Variants in RCVRN observed in about 807,000 individuals in gnomAD.
RCVRN encodes the protein recoverin.
Under a neutral mutation model 20.4 loss-of-function variants are expected in RCVRN, and 23 were observed. The observed-to-expected ratio is 1.13, with a 90% CI of 0.81 to 1.60. The LOEUF (loss-of-function observed/expected upper bound fraction) is 1.60, where lower values mean the gene tolerates loss of function less well. RCVRN is among the 40% of genes most tolerant of loss of function. The pLI is 0.00. For missense variants in RCVRN, 254 were observed against 254.2 expected, an observed-to-expected ratio of 1.00 and a Z score of 0.00; for synonymous variants, 105 against 105.9, an observed-to-expected ratio of 0.99 and a Z score of 0.05.
In RCVRN at chr17:9,897,999, T is replaced by TGTGTGTGTGCGC. The variant is rs376748693; in HGVS notation, c.*95_*96insGCGCACACACAC. On this transcript the variant is annotated 3_prime_UTR_variant, in exon 3 of 3. Coordinates refer to ENST00000226193, the MANE Select transcript of RCVRN (RefSeq NM_002903.3). ...TGGGGTGGATGTGTGTGTGTGTGTG[T>TGTGTGTGTGCGC]GCGCGCGCGTGTGTGTGCATGTGTG... is the stretch of plus-strand genomic sequence containing the variant. 6.8e-6 allele frequency: 5 copies of TGTGTGTGTGCGC among 731,252 alleles called. No homozygotes were observed. Among genetic ancestry groups the TGTGTGTGTGCGC allele is most frequent in the Non-Finnish European group, 1.3e-5 (5 of 399,862 alleles). 45.3% of individuals were successfully genotyped at this position (731,252 alleles called of 1,614,324 possible).
chr17:9,904,797 G>C lies in RCVRN; in HGVS notation c.381+3C>G, dbSNP rs770402153. 1 of 1,612,542 alleles carries C rather than the reference G, an allele frequency of 6.2e-7. No individual in the cohort carries two copies. The highest frequency in any genetic ancestry group is 1.7e-5 in the Admixed American group (1 of 59,978). ...CAGCCAGAAGGGGAGAGGGGAGACT[G>C]ACCATGACGATCTCCAGCACTTCAT... On this transcript the variant is annotated splice_donor_region_variant and intron_variant, in intron 1 of 2. Transcript: ENST00000226193. This position sits in a 1 kb window ranked among gnomAD's most constrained non-coding sequence, Gnocchi z 5.8.
chr17:9,903,680 T>G (rs934001887), intron 1 of RCVRN, among the ~76,000 whole-genome samples: 1 of 152,230 alleles, frequency 6.6e-6, no homozygotes, highest in Non-Finnish European at 1.5e-5. Context: ...TATAGTCACG[T>G]GTCGCTCAGA....
chr17:9,899,467 G>A lies in RCVRN; in HGVS notation c.494-1263C>T, dbSNP rs751720995. Among the ~76,000 whole-genome samples the A allele has an allele frequency of 1.3e-5, 2 of 152,224 alleles. No individual in the cohort carries two copies. The highest frequency in any genetic ancestry group is 2.9e-5 in the Non-Finnish European group (2 of 68,040). On this transcript the variant is annotated intron_variant, in intron 2 of 2. Transcript: ENST00000226193. This position sits in a 1 kb window ranked among gnomAD's most constrained non-coding sequence, Gnocchi z 4.6. ...ACACGTCGACCTCGGGGCTTCTGAC[G>A]TCATCCCCTCCCGGGATGTTCACCA...
chr17:9,905,085 G>A lies in RCVRN; in HGVS notation c.96C>T (p.Tyr32=), dbSNP rs1472878034. 6.2e-7 allele frequency: 1 copy of A among 1,610,842 alleles called. No individual in the cohort carries two copies. Among genetic ancestry groups the A allele is most frequent in the Non-Finnish European group, 8.5e-7 (1 of 1,178,476 alleles). The change falls in exon 1 of 3, where the codon TAC becomes TAT. Residue 32 remains tyrosine, a synonymous_variant. Transcript: ENST00000226193. ...KFSEEELCSW[Y]QSFLKDCPTG... is the part of the protein sequence containing the mutation. ...TGGGACAGTCCTTCAGGAAGGACTG[G>A]TACCAGGAGCACAGCTCCTCCTCCG... is the stretch of plus-strand genomic sequence containing the variant.
At chr17:9,901,554 C>T (rs1004908482) in intron 1 of RCVRN, among the ~76,000 whole-genome samples, 28 of 152,180 alleles carry the variant, frequency 1.8e-4, no homozygotes, top group African/African-American at 6.8e-4. Context: ...TTCCCTTCAG[C>T]CCCCTGGTGC....
At chr17:9,898,399 C>T (rs919909563) in intron 2 of RCVRN, among the ~76,000 whole-genome samples, 195 bp from the exon 3 acceptor site, 2 of 152,164 alleles carry the variant, frequency 1.3e-5, no homozygotes, top group Non-Finnish European at 2.9e-5. Flanking sequence ...TCCCATGACC[C>T]TTGGAGCTCC....
In RCVRN at chr17:9,899,539, T is replaced by A. The variant is rs939285831; in HGVS notation, c.494-1335A>T. ...AAAGCAGAACACAGGGCTCGACACA[T>A]GAACGGACCCAGAGGGAGGTCGCGA... On this transcript the variant is annotated intron_variant, in intron 2 of 2. Coordinates refer to ENST00000226193, the MANE Select transcript of RCVRN (RefSeq NM_002903.3). The surrounding 1 kb of genome is among the most constrained non-coding windows in gnomAD (Gnocchi z 4.6). 1.3e-5 allele frequency among the ~76,000 whole-genome samples: 2 copies of A among 152,170 alleles called. No homozygotes were observed. The highest frequency in any genetic ancestry group is 4.8e-5 in the African/African-American group (2 of 41,440).
intron 2 of RCVRN, 49 bp from the exon 3 acceptor site, chr17:9,898,253 T>G (rs372334401): frequency 8.5e-7 from 1 of 1,170,180 alleles, no homozygotes; most frequent in Admixed American, 1.7e-5. Context: ...TCAGGATTGA[T>G]AGCCAAGTGA....
intron 1 of RCVRN, among the ~76,000 whole-genome samples, chr17:9,902,469 A>G (rs2067345627): frequency 6.6e-6 from 1 of 152,212 alleles, no homozygotes; most frequent in African/African-American, 2.4e-5. Flanking sequence ...GCCAATGCAC[A>G]CAAAGTTATT....
intron 2 of RCVRN, among the ~76,000 whole-genome samples, chr17:9,900,784 T>C (rs1040375385): frequency 6.6e-6 from 1 of 152,166 alleles, no homozygotes; most frequent in Non-Finnish European, 1.5e-5. Context: ...CTTGTTCTAA[T>C]TGCACAGAAA....
intron 2 of RCVRN, 65 bp from the exon 3 acceptor site, chr17:9,898,269 G>A (rs1434934005): frequency 2.5e-5 from 24 of 958,152 alleles, no homozygotes; most frequent in Middle Eastern, 2.1e-4. Context: ...AGTGAGCTGC[G>A]ATGAGGCTGA....
rs758869516 is a variant in RCVRN at position 9,905,181 on chromosome 17, G to A, written c.-1C>T. 8 of 1,602,180 alleles carry A rather than the reference G, an allele frequency of 5.0e-6. No homozygotes were observed. Among genetic ancestry groups the A allele is most frequent in the Middle Eastern group, 1.7e-4 (1 of 6,016 alleles). On this transcript the variant is annotated 5_prime_UTR_variant, in exon 1 of 3. Coordinates refer to ENST00000226193, the MANE Select transcript of RCVRN (RefSeq NM_002903.3). ...GGGCCCCACTTTTGCTGTTCCCCAT[G>A]AGTGAGGAAGAGTGGGCAGCGGCTG...
rs143779720 is a variant in RCVRN, at chr17:9,897,798, C to A, written c.*297G>T. 1.8e-5 allele frequency: 6 copies of A among 334,732 alleles called. No homozygotes were observed. The highest frequency in any genetic ancestry group is 3.3e-5 in the Non-Finnish European group (6 of 181,530). The allele number at this position is 334,732 out of a possible 1,614,324, so 20.7% of individuals were successfully genotyped here. A position where few individuals can be genotyped will look rare whatever the true frequency, so the allele number is the denominator to read the frequency against. On this transcript the variant is annotated 3_prime_UTR_variant, in exon 3 of 3. Transcript: ENST00000226193. ...GGGTGACACTTAGGACTCCTATGGC[C>A]TAATCCTGGGATTAGCACAGGGCCA...
chr17:9,899,218 A>G lies in RCVRN; in HGVS notation c.494-1014T>C, dbSNP rs943166769. Among the ~76,000 whole-genome samples, 3 of 152,164 alleles carry G rather than the reference A, an allele frequency of 2.0e-5. No homozygotes were observed. The highest frequency in any genetic ancestry group is 7.2e-5 in the African/African-American group (3 of 41,442). ...CTGAACTGAATGTGATTTCTGACTT[A>G]TGCTCTGGGCCTTTTGGATACCTTT... On this transcript the variant is annotated intron_variant, in intron 2 of 2. Coordinates refer to ENST00000226193, the MANE Select transcript of RCVRN (RefSeq NM_002903.3). The surrounding 1 kb of genome is among the most constrained non-coding windows in gnomAD (Gnocchi z 4.6).
chr17:9,901,503 G>A (rs1451554029), intron 1 of RCVRN, among the ~76,000 whole-genome samples: 1 of 130,736 alleles, frequency 7.6e-6, no homozygotes, highest in Non-Finnish European at 1.9e-5. Context: ...AATAATGGCT[G>A]TGAAATTATC....
chr17:9,897,911 C>T lies in RCVRN; in HGVS notation c.*184G>A, dbSNP rs1442470781. The T allele has an allele frequency of 1.5e-5, 9 of 594,190 alleles. No homozygotes were observed. The highest frequency in any genetic ancestry group is 1.8e-5 in the Non-Finnish European group (6 of 331,498). The allele number at this position is 594,190 out of a possible 1,614,324, so 36.8% of individuals were successfully genotyped here. On this transcript the variant is annotated 3_prime_UTR_variant, in exon 3 of 3. Transcript: ENST00000226193. Reference sequence around the variant, plus strand: ...GGAAGAAGGAACCAGTGGGTCACTACAGATGCTTCAGTTTGGCAGGGAGCT... The same window carrying T: ...GGAAGAAGGAACCAGTGGGTCACTATAGATGCTTCAGTTTGGCAGGGAGCT...
At chr17:9,900,394 G>A (rs1246140937) in intron 2 of RCVRN, among the ~76,000 whole-genome samples, 1 of 150,310 alleles carries the variant, frequency 6.7e-6, no homozygotes, top group African/African-American at 2.5e-5. Context: ...AGACTGACAG[G>A]GGCACTGAGG....
At position 9,899,068 on chromosome 17, in the gene RCVRN, T is replaced by C. The variant is rs1004273352; in HGVS notation, c.494-864A>G. Among the ~76,000 whole-genome samples, 1 of 152,114 alleles carries C rather than the reference T, an allele frequency of 6.6e-6. No individual in the cohort carries two copies. Among genetic ancestry groups the C allele is most frequent in the Non-Finnish European group, 1.5e-5 (1 of 68,016 alleles). On this transcript the variant is annotated intron_variant, in intron 2 of 2. Transcript: ENST00000226193. The surrounding 1 kb of genome is among the most constrained non-coding windows in gnomAD (Gnocchi z 4.6). ...AAGAGAGTGAGATGAAGTCCCTCCC[T>C]GGGAAACTGTTGACCTGGCGGGGAA... is the stretch of plus-strand genomic sequence containing the variant.
At chr17:9,902,963 T>C (rs981297810) in intron 1 of RCVRN, among the ~76,000 whole-genome samples, 2 of 151,364 alleles carry the variant, frequency 1.3e-5, no homozygotes, top group African/African-American at 4.9e-5. Flanking sequence ...CACTCCAGCC[T>C]GGGCGACAAG....
Sources: gnomAD v4.1 joint callset for allele counts (sites outside exome capture counted in the v4.1 genomes callset) on GRCh38, gnomAD v4.1.1 for gene constraint, Gnocchi (gnomAD v3.1) non-coding constraint, MANE v1.5 for transcripts, NCBI Gene and HGNC (gene_info 2026-07-23, HGNC 2026-07-21) for gene names.